Variants in SYNE3 observed in about 807,000 individuals in gnomAD.
SYNE3 encodes the protein spectrin repeat containing nuclear envelope family member 3.
In SYNE3, 100 loss-of-function variants were observed where a neutral mutation model predicts 111.2. That is an observed-to-expected ratio of 0.90 (90% confidence interval 0.77 to 1.06). The LOEUF (loss-of-function observed/expected upper bound fraction) is 1.06, where lower values mean the gene tolerates loss of function less well. Ranked by LOEUF, SYNE3 falls within the 50% of genes least tolerant of loss-of-function variation. The pLI, the probability that SYNE3 is intolerant of heterozygous loss-of-function variation, is 0.00. For missense variants in SYNE3, 1,160 were observed against 1,240.3 expected (o/e 0.94, Z 0.97); for synonymous variants, 547 against 533.9 (o/e 1.02, Z -0.34).
chr14:95,419,478 A>G (rs1884948709), intron 17 of SYNE3, among the ~76,000 whole-genome samples: 3 of 152,152 alleles, frequency 2.0e-5, no homozygotes, highest in Admixed American at 2.0e-4. Flanking sequence ...ACTATTAGTA[A>G]CTGTTAGTGA....
At position 95,449,935 on chromosome 14, in the gene SYNE3, A is replaced by G; in HGVS notation, c.1445T>C (p.Ile482Thr). 1 of 1,548,672 alleles carries G rather than the reference A, an allele frequency of 6.5e-7. No homozygotes were observed. Residue 482 changes from isoleucine to threonine, a missense_variant, in exon 8 of 18, where the codon ATC becomes ACC. By Grantham distance (89) the Ile-to-Thr change is moderately conservative. Transcript: ENST00000682763. Reference sequence around the variant, plus strand: ...AGTTGGCAGGACCACGGTTACCTCGATCTGGGGCAGGAAGGTGTGAAGGGA... The same window carrying G: ...AGTTGGCAGGACCACGGTTACCTCGGTCTGGGGCAGGAAGGTGTGAAGGGA... ...LPSLHTFLPQ[I>T]EAALMESSRL...
At chr14:95,461,687 C>A (rs1023224225) in intron 4 of SYNE3, among the ~76,000 whole-genome samples, 6 of 152,248 alleles carry the variant, frequency 3.9e-5, no homozygotes, top group East Asian at 1.9e-4. Flanking sequence ...GGGGCACTAA[C>A]CTGAACCTAG....
rs751878442 is a variant in SYNE3 at position 95,412,832 on chromosome 14, T to C, written c.*4994A>G. On this transcript the variant is annotated 3_prime_UTR_variant, in exon 18 of 18. Transcript: ENST00000682763. ...TACTGTATGGGGAGCAAAACCAACA[T>C]AGAGTTGGCAACTTTTTATTTTGTC... is the stretch of plus-strand genomic sequence containing the variant. 2.0e-5 allele frequency: 3 copies of C among 152,164 alleles called. No homozygotes were observed. The highest frequency in any genetic ancestry group is 4.8e-5 in the African/African-American group (2 of 41,444). The allele number at this position is 152,164 out of a possible 1,614,324, so 9.4% of individuals were successfully genotyped here.
Position 95,466,173 on chromosome 14 carries a change from A to G in SYNE3, c.385T>C (p.Phe129Leu), listed in dbSNP as rs1283909058. ...LLARDEFYRW[F>L]QKMMVTLEPH... is the part of the protein sequence containing the mutation. The stretch of plus-strand genomic sequence containing the variant: ...TCCAGTGTGACCATCATCTTCTGGA[A>G]CCAGCGGTAGAACTCATCTCGGGCC... The change falls in exon 4 of 18, where the codon TTC (phenylalanine) becomes CTC (leucine). Residue 129 changes from phenylalanine to leucine, a missense_variant. Physicochemically the swap from Phe to Leu is conservative, Grantham distance 22. Coordinates refer to ENST00000682763, the MANE Select transcript of SYNE3 (RefSeq NM_152592.6). The G allele has an allele frequency of 6.2e-7, 1 of 1,605,480 alleles. No homozygotes were observed. The highest frequency in any genetic ancestry group is 1.1e-5 in the South Asian group (1 of 90,842).
At chr14:95,434,104 C>G (rs539988108) in intron 15 of SYNE3, among the ~76,000 whole-genome samples, 62 of 151,762 alleles carry the variant, frequency 4.1e-4, no homozygotes, top group Non-Finnish European at 6.3e-4. Flanking sequence ...AGAGGAGTAG[C>G]CAGATATGAG....
chr14:95,442,339 T>C (rs1240316227), intron 11 of SYNE3, among the ~76,000 whole-genome samples: 3 of 152,174 alleles, frequency 2.0e-5, no homozygotes, highest in Non-Finnish European at 4.4e-5. Context: ...ATTACTTTCC[T>C]TTGATTTCTC....
chr14:95,498,450 C>T lies in SYNE3; in HGVS notation c.-15+18146G>A, dbSNP rs190938358. On this transcript the variant is annotated intron_variant, in intron 1 of 17. Coordinates refer to ENST00000682763, the MANE Select transcript of SYNE3 (RefSeq NM_152592.6). ...GCCAGGCTGGTCTCGAACTCCTGAC[C>T]TCAGGTGATCCGCCTGCCTCAGCCG... Among the ~76,000 whole-genome samples, 67 of 152,280 alleles carry T rather than the reference C, an allele frequency of 4.4e-4. 4 individuals carry two copies. The East Asian group carries it at 0.013, about 28-fold the overall frequency.
At chr14:95,439,811 C>A (rs1886307099) in intron 12 of SYNE3, 27 bp from the exon 13 acceptor site, 2 of 1,600,932 alleles carry the variant, frequency 1.2e-6, no homozygotes, top group Non-Finnish European at 1.7e-6. Context: ...CACACAGACA[C>A]ACACACGGTG....
rs774194767 is a variant in SYNE3, at chr14:95,440,039, G to A, written c.1948C>T (p.His650Tyr). 1.9e-6 allele frequency: 3 copies of A among 1,609,474 alleles called. No individual in the cohort carries two copies. Among genetic ancestry groups the A allele is most frequent in the Non-Finnish European group, 2.5e-6 (3 of 1,179,944 alleles). Residue 650 changes from histidine (H) to tyrosine (Y), a missense_variant, in exon 12 of 18, where the codon CAC becomes TAC. Coordinates refer to ENST00000682763, the MANE Select transcript of SYNE3 (RefSeq NM_152592.6). ...VDRCRQSVQE[H>Y]CTFSHQLLEL... ...AGCAGCTGGTGGCTGAAGGTGCAGT[G>A]CTCCTGCACACTCTGCCGACACCTG... is the stretch of plus-strand genomic sequence containing the variant.
At position 95,413,883 on chromosome 14, in the gene SYNE3, G is replaced by C. The variant is rs1903497158; in HGVS notation, c.*3943C>G. 6.6e-6 allele frequency: 1 copy of C among 152,296 alleles called. No individual in the cohort carries two copies. The allele number at this position is 152,296 out of a possible 1,614,324, so 9.4% of individuals were successfully genotyped here. ...ACCACAGCTGAAGCTCTTATCCTGTGCTGGGCATTGGGGGTGTGGAGTTCT... is the reference window on the plus strand; with the variant it reads ...ACCACAGCTGAAGCTCTTATCCTGTCCTGGGCATTGGGGGTGTGGAGTTCT... On this transcript the variant is annotated 3_prime_UTR_variant, in exon 18 of 18. Coordinates refer to ENST00000682763, the MANE Select transcript of SYNE3 (RefSeq NM_152592.6).
chr14:95,475,570 A>T, intron 2 of SYNE3, 108 bp downstream of exon 2: 2 of 1,221,302 alleles, frequency 1.6e-6, no homozygotes, highest in Non-Finnish European at 2.1e-6. Context: ...TTTGAGAAAC[A>T]TTGGTTTAGT....
Position 95,466,236 on chromosome 14 carries a change from T to A in SYNE3, c.322A>T (p.Ile108Phe). Residue 108 changes from isoleucine (I) to phenylalanine (F), a missense_variant, in exon 4 of 18, where the codon ATC becomes TTC. Transcript: ENST00000682763. ...CTCCAGTGCAGCCACACCCACTCGA[T>A]GCGGCTGTGGGCACAGAGACCTCAA... is the stretch of plus-strand genomic sequence containing the variant. ...VTYMTHCHSR[I>F]EWVWLHWSEY... 3 of 1,565,636 alleles carry A rather than the reference T, an allele frequency of 1.9e-6. No individual in the cohort carries two copies. The highest frequency in any genetic ancestry group is 2.6e-6 in the Non-Finnish European group (3 of 1,147,988).
intron 11 of SYNE3, among the ~76,000 whole-genome samples, chr14:95,442,566 G>C (rs1399185261): frequency 5.3e-5 from 8 of 152,186 alleles, no homozygotes. Flanking sequence ...CTGAATCAGT[G>C]TCACAGTGGG....
chr14:95,478,981 T>C (rs1337354830), intron 1 of SYNE3, among the ~76,000 whole-genome samples: 1 of 152,030 alleles, frequency 6.6e-6, no homozygotes, highest in Non-Finnish European at 1.5e-5. Flanking sequence ...GGACCTAGAA[T>C]TGGTCCCAGT....
intron 6 of SYNE3, among the ~76,000 whole-genome samples, chr14:95,454,600 A>G (rs17092382): frequency 0.031 from 4,752 of 152,366 alleles, 219 homozygotes; most frequent in African/African-American, 0.11. Context: ...CTGTTCTGCT[A>G]CAAGATCGAA....
chr14:95,494,128 C>G (rs1889974764), intron 1 of SYNE3, among the ~76,000 whole-genome samples: 1 of 133,004 alleles, frequency 7.5e-6, no homozygotes, highest in East Asian at 2.2e-4. Context: ...AAGTGAGACC[C>G]CTGACTCTTA....
At chr14:95,420,549 T>C (rs572793009) in intron 17 of SYNE3, among the ~76,000 whole-genome samples, 2 of 152,192 alleles carry the variant, frequency 1.3e-5, no homozygotes, top group African/African-American at 2.4e-5. Flanking sequence ...AAAAAGTGTT[T>C]ATACATACAA....
intron 1 of SYNE3, among the ~76,000 whole-genome samples, chr14:95,493,036 CCAAGATTCTTGAA>C (rs1271054472): frequency 1.3e-5 from 2 of 152,162 alleles, no homozygotes; most frequent in African/African-American, 4.8e-5. Context: ...CCAAAGGCTG[CCAAGATTCTTGAA>C]CACCTTCAGT....
intron 4 of SYNE3, among the ~76,000 whole-genome samples, chr14:95,459,129 T>C (rs1393776429): frequency 6.6e-6 from 1 of 152,208 alleles, no homozygotes; most frequent in Non-Finnish European, 1.5e-5. Context: ...ATGCAACTTA[T>C]GTTGTAGCCC....
Sources: gnomAD v4.1 joint callset for allele counts (sites outside exome capture counted in the v4.1 genomes callset) on GRCh38, gnomAD v4.1.1 for gene constraint, MANE v1.5 for transcripts, NCBI Gene and HGNC (gene_info 2026-07-23, HGNC 2026-07-21) for gene names.